GLS: variants seen among roughly 807,000 people sequenced by gnomAD.
GLS encodes glutaminase.
In GLS, 36 loss-of-function variants were observed where a neutral mutation model predicts 86.7. The observed-to-expected ratio is 0.42, with a 90% CI of 0.32 to 0.55. GLS has a LOEUF of 0.55. Ranked by LOEUF, GLS falls within the 20% of genes least tolerant of loss-of-function variation. The probability of loss-of-function intolerance (pLI) is 0.17; values close to 1 mark genes in which losing one functional copy is unlikely to be tolerated. For missense variants in GLS, 528 were observed against 833.4 expected (o/e 0.63, Z 4.51); for synonymous variants, 317 against 305.9 (o/e 1.04, Z -0.38).
chr2:190,959,710 G>A (rs910652532), intron 17 of GLS, among the ~76,000 whole-genome samples: 2 of 152,128 alleles, frequency 1.3e-5, no homozygotes, highest in Non-Finnish European at 2.9e-5. Context: ...GCAGGGATTC[G>A]ACATTTATGC....
chr2:190,960,669 C>A (rs530980658), intron 17 of GLS, among the ~76,000 whole-genome samples: 1 of 152,178 alleles, frequency 6.6e-6, no homozygotes, highest in East Asian at 1.9e-4. Context: ...AGCCATTGAG[C>A]CTGGCCAACT....
At chr2:190,925,320 C>G (rs985519851) in intron 11 of GLS, among the ~76,000 whole-genome samples, 3 of 152,224 alleles carry the variant, frequency 2.0e-5, no homozygotes, top group Non-Finnish European at 2.9e-5. Context: ...ACTACTCTAT[C>G]CTGGCTTAAC....
chr2:190,931,594 T>C lies in GLS; in HGVS notation c.1607T>C (p.Phe536Ser). ...CATAACTATGATAATTTGAGACACTTTGCAAAAAAACTTGATCCTCGAAGA... is the reference window on the plus strand; with the variant it reads ...CATAACTATGATAATTTGAGACACTCTGCAAAAAAACTTGATCCTCGAAGA... ...NFHNYDNLRHFAKKLDPRREG... is the reference protein window; with the variant it reads ...NFHNYDNLRHSAKKLDPRREG... Residue 536 changes from phenylalanine (F) to serine (S), a missense_variant, in exon 14 of 18, where the codon TTT becomes TCT. Around this residue, in one of 4 missense-constraint regions of GLS, gnomAD observed 163 missense variants for 429.2 expected, o/e 0.38. Transcript: ENST00000320717. The C allele has an allele frequency of 1.3e-6, 2 of 1,589,364 alleles. No homozygotes were observed. Among genetic ancestry groups the C allele is most frequent in the Non-Finnish European group, 1.7e-6 (2 of 1,159,850 alleles).
chr2:190,921,067 C>CA lies in GLS; in HGVS notation c.1071+12dup, dbSNP rs775448650. 1 of 1,582,314 alleles carries CA rather than the reference C, an allele frequency of 6.3e-7. No individual in the cohort carries two copies. The highest frequency in any genetic ancestry group is 1.1e-5 in the South Asian group (1 of 90,250). On this transcript the variant is annotated intron_variant, in intron 8 of 17. Transcript: ENST00000320717. The surrounding 1 kb of genome is among the most constrained non-coding windows in gnomAD (Gnocchi z 4.2). The stretch of plus-strand genomic sequence containing the variant: ...GAAAAATTTGACTATGTAAGTGCAA[C>CA]ATGTCATTCAGTTTTCATGCCACAT...
At chr2:190,908,526 C>G (rs962009683) in intron 6 of GLS, among the ~76,000 whole-genome samples, 2 of 152,196 alleles carry the variant, frequency 1.3e-5, no homozygotes, top group African/African-American at 4.8e-5. Flanking sequence ...CAGTATAACA[C>G]GCTCTGATAT....
At chr2:190,923,870 C>A in intron 9 of GLS, 47 bp from the exon 10 acceptor site, 1 of 1,147,898 alleles carries the variant, frequency 8.7e-7, no homozygotes, top group Non-Finnish European at 1.3e-6. Context: ...AACAATCACA[C>A]TTTTAAAGAA....
At chr2:190,919,746 GTATAT>G (rs753742828) in intron 7 of GLS, 11 of 529,188 alleles carry the variant, frequency 2.1e-5, no homozygotes, top group East Asian at 2.9e-4. Context: ...TTGATTTCTG[GTATAT>G]TATAAGGAAA....
chr2:190,907,735 A>G (rs1051522726), intron 6 of GLS, among the ~76,000 whole-genome samples: 1 of 152,204 alleles, frequency 6.6e-6, no homozygotes, highest in Non-Finnish European at 1.5e-5. Context: ...CAAATTATTT[A>G]TATAGCTTTC....
At chr2:190,946,554 A>G (rs1319725737) in intron 14 of GLS, among the ~76,000 whole-genome samples, 1 of 152,042 alleles carries the variant, frequency 6.6e-6, no homozygotes, top group African/African-American at 2.4e-5. Context: ...TCATGTTTAT[A>G]TGAAGACAGA....
chr2:190,894,630 A>G (rs548756209), intron 1 of GLS, among the ~76,000 whole-genome samples: 35 of 152,220 alleles, frequency 2.3e-4, no homozygotes, highest in Admixed American at 4.6e-4. Context: ...TTACACAACT[A>G]TAGTATTACA....
chr2:190,945,311 T>C (rs190187248), intron 14 of GLS, among the ~76,000 whole-genome samples: 3 of 152,298 alleles, frequency 2.0e-5, no homozygotes, highest in Non-Finnish European at 2.9e-5. Flanking sequence ...TTTTTTGACA[T>C]GATTATGACT....
rs1690349322 is a variant in GLS, at chr2:190,938,902, A to T, written c.1650+7265A>T. Among the ~76,000 whole-genome samples, 1 of 151,772 alleles carries T rather than the reference A, an allele frequency of 6.6e-6. No homozygotes were observed. The highest frequency in any genetic ancestry group is 1.5e-5 in the Non-Finnish European group (1 of 67,684). ...TACACAGTAGTTCTAAAAATAAAAC[A>T]TTACCCTGCAATCTTTGAAAGAAAA... On this transcript the variant is annotated intron_variant, in intron 14 of 17. Transcript: ENST00000320717. The surrounding 1 kb of genome is among the most constrained non-coding windows in gnomAD (Gnocchi z 4.1).
chr2:190,906,489 A>G (rs1305666729), intron 6 of GLS, among the ~76,000 whole-genome samples: 1 of 152,224 alleles, frequency 6.6e-6, no homozygotes, highest in Non-Finnish European at 1.5e-5. Flanking sequence ...AATTATTGAT[A>G]CTGTATTCTA....
intron 5 of GLS, among the ~76,000 whole-genome samples, chr2:190,902,605 C>T (rs1213894407): frequency 6.6e-6 from 1 of 152,028 alleles, no homozygotes; most frequent in African/African-American, 2.4e-5. Context: ...GATGTGAGGG[C>T]GCTTTAGAAA....
At chr2:190,959,427 G>A (rs542003366) in intron 17 of GLS, among the ~76,000 whole-genome samples, 1 of 152,170 alleles carries the variant, frequency 6.6e-6, no homozygotes, top group African/African-American at 2.4e-5. Flanking sequence ...TACATTTAAG[G>A]TTAATATTGT....
chr2:190,952,261 G>A (rs1188719589), intron 14 of GLS, among the ~76,000 whole-genome samples: 1 of 152,168 alleles, frequency 6.6e-6, no homozygotes, highest in Admixed American at 6.5e-5. Context: ...GGAAGCTAAA[G>A]GACTAAGTGG....
At chr2:190,933,102 A>G in intron 14 of GLS, 1 of 950,202 alleles carries the variant, frequency 1.1e-6, no homozygotes, top group Non-Finnish European at 1.3e-6. Context: ...TAAAAATACA[A>G]AAAGGAAAAA....
intron 7 of GLS, among the ~76,000 whole-genome samples, chr2:190,912,733 T>G (rs1189609702): frequency 6.6e-6 from 1 of 152,186 alleles, no homozygotes; most frequent in Non-Finnish European, 1.5e-5. Flanking sequence ...ATATTTAACG[T>G]AGGTGTTTGC....
Position 190,963,068 on chromosome 2 carries a change from G to T in GLS, c.*82G>T. 2 of 961,038 alleles carry T rather than the reference G, an allele frequency of 2.1e-6. No individual in the cohort carries two copies. Among genetic ancestry groups the T allele is most frequent in the African/African-American group, 1.7e-5 (1 of 60,520 alleles). 59.5% of individuals were successfully genotyped at this position (961,038 alleles called of 1,614,324 possible). On this transcript the variant is annotated 3_prime_UTR_variant, in exon 18 of 18. Transcript: ENST00000320717. ...TGAAGAACATGTGTATTTCTATCTG[G>T]TAGTGATGTATATTTTACATTTGTC... is the stretch of plus-strand genomic sequence containing the variant.
Sources: gnomAD v4.1 joint callset for allele counts (sites outside exome capture counted in the v4.1 genomes callset) on GRCh38, gnomAD v4.1.1 for gene constraint, gnomAD v4.1.1 regional missense constraint, Gnocchi (gnomAD v3.1) non-coding constraint, MANE v1.5 for transcripts, NCBI Gene and HGNC (gene_info 2026-07-23, HGNC 2026-07-21) for gene names.